The following JADE3 variants were observed in gnomAD, a reference collection of about 807,000 sequenced individuals.
The protein encoded by JADE3 is protein Jade-3.
In JADE3, 2 loss-of-function variants were observed where a neutral mutation model predicts 50.1. The ratio of observed to expected loss-of-function variants is 0.04; its 90% CI spans 0.02 to 0.13. The LOEUF (loss-of-function observed/expected upper bound fraction) is 0.13. Among genes scored for constraint, JADE3 ranks in the 10% least tolerant of loss-of-function variants. The probability of loss-of-function intolerance (pLI) is 1.00; values close to 1 mark genes in which losing one functional copy is unlikely to be tolerated. For missense variants in JADE3, 475 were observed against 634.4 expected, an observed-to-expected ratio of 0.75 and a Z score of 2.70; for synonymous variants, 218 against 232.9, an observed-to-expected ratio of 0.94 and a Z score of 0.58.
chrX:47,018,952 C>T (rs1556363692), intron 4 of JADE3, among the ~76,000 whole-genome samples: 2 of 112,141 alleles, frequency 1.8e-5, no homozygotes, highest in Non-Finnish European at 3.8e-5. Context: ...ATAACATAGA[C>T]TACACATGGC....
At chrX:46,912,324 G>T (rs1925969827), upstream of JADE3, 1 of 112,350 alleles carries the variant, frequency 8.9e-6, no homozygotes, top group Non-Finnish European at 1.9e-5. Context: ...GCGGGCAGAC[G>T]GCTGGGAGCC....
intron 4 of JADE3, among the ~76,000 whole-genome samples, chrX:46,999,485 A>ATATATAACATATATATACATATAT (rs1556358436): frequency 9.5e-6 from 1 of 105,180 alleles, no homozygotes; most frequent in African/African-American, 3.4e-5. Flanking sequence ...ATATATATAT[A>ATATATAACATATATATACATATAT]AAATAGGGTC....
At chrX:47,009,365 A>G (rs1928506875) in intron 4 of JADE3, among the ~76,000 whole-genome samples, 1 of 111,268 alleles carries the variant, frequency 9.0e-6, no homozygotes, top group South Asian at 3.8e-4. Flanking sequence ...ACATGAAGAC[A>G]CAATCATGGG....
intron 8 of JADE3, among the ~76,000 whole-genome samples, chrX:47,047,857 A>G (rs1054719176): frequency 1.8e-5 from 2 of 111,975 alleles, no homozygotes; most frequent in Non-Finnish European, 3.8e-5. Flanking sequence ...AAGAACAGTT[A>G]TACTCACAGT....
intron 4 of JADE3, among the ~76,000 whole-genome samples, chrX:47,009,549 A>T (rs1406083929): frequency 9.0e-6 from 1 of 111,044 alleles, no homozygotes; most frequent in Non-Finnish European, 1.9e-5. Flanking sequence ...CCAAAATATA[A>T]GTCAGAAAAA....
At chrX:47,053,352 G>C (rs1207952466) in intron 8 of JADE3, among the ~76,000 whole-genome samples, 2 of 109,966 alleles carry the variant, frequency 1.8e-5, no homozygotes, top group Non-Finnish European at 3.8e-5. Context: ...TGGACCTCCC[G>C]GGTTCAGGCA....
At position 46,948,992 on chromosome X, in the gene JADE3, G is replaced by A. The variant is rs372177275; in HGVS notation, c.-11-35892G>A. Among the ~76,000 whole-genome samples the A allele has an allele frequency of 4.7e-3, 523 of 111,054 alleles. 2 individuals are homozygous for A. The highest frequency in any genetic ancestry group is 0.016 in the African/African-American group (503 of 30,575). ...TTTGTCACCCAGACTGGAATGCAGT[G>A]GCACAATCATGGCCCACTGCAGCCT... is the stretch of plus-strand genomic sequence containing the variant. On this transcript the variant is annotated intron_variant, in intron 1 of 10. Transcript: ENST00000614628.
At chrX:47,028,266 G>A (rs1282912423) in intron 6 of JADE3, among the ~76,000 whole-genome samples, 163 bp downstream of exon 6, 2 of 110,724 alleles carry the variant, frequency 1.8e-5, no homozygotes, top group African/African-American at 6.6e-5. Flanking sequence ...TGCTTCTTAT[G>A]ACCCCCAAGA....
At chrX:47,038,309 C>T in intron 7 of JADE3, among the ~76,000 whole-genome samples, 1 of 111,066 alleles carries the variant, frequency 9.0e-6, no homozygotes, top group African/African-American at 3.3e-5. Context: ...TGGGTATATA[C>T]CCAACAGTGG....
intron 1 of JADE3, among the ~76,000 whole-genome samples, chrX:46,947,772 C>T (rs1239168319): frequency 3.6e-5 from 4 of 111,362 alleles, no homozygotes; most frequent in Non-Finnish European, 7.5e-5. Context: ...TGAGAGGTAC[C>T]GTGCCGTTTG....
At chrX:46,937,366 A>G (rs1442461294) in intron 1 of JADE3, among the ~76,000 whole-genome samples, 1 of 111,162 alleles carries the variant, frequency 9.0e-6, no homozygotes, top group African/African-American at 3.3e-5. Context: ...TTATTGAAAG[A>G]ACACGTATTC....
At chrX:46,932,973 A>C (rs1171554839) in intron 1 of JADE3, among the ~76,000 whole-genome samples, 1 of 112,214 alleles carries the variant, frequency 8.9e-6, no homozygotes, top group Non-Finnish European at 1.9e-5. Context: ...TAATGGCCAT[A>C]AAATAACTAT....
rs1928632110 is a variant in JADE3 at position 47,014,533 on chromosome X, T to C, written c.285-10191T>C. Among the ~76,000 whole-genome samples the C allele has an allele frequency of 4.5e-5, 5 of 112,189 alleles. No homozygotes were observed. In the Admixed American group the frequency reaches 4.7e-4, roughly 11 times the overall value. On this transcript the variant is annotated intron_variant, in intron 4 of 10. Coordinates refer to ENST00000614628, the MANE Select transcript of JADE3 (RefSeq NM_014735.5). ...CAGATTTCACCATAAATTTGATGTT[T>C]GTTCTTGCTTCAGTTTTAGCCAAAT...
At chrX:46,955,825 A>G (rs1282724195) in intron 1 of JADE3, among the ~76,000 whole-genome samples, 2 of 110,708 alleles carry the variant, frequency 1.8e-5, no homozygotes, top group Non-Finnish European at 3.8e-5. Context: ...ACCCCAAAGA[A>G]TACATATTTT....
intron 4 of JADE3, among the ~76,000 whole-genome samples, chrX:47,001,228 G>A (rs1479742084): frequency 9.0e-6 from 1 of 110,741 alleles, no homozygotes; most frequent in East Asian, 2.8e-4. Flanking sequence ...CAAATTTTAG[G>A]GTGCATCAGA....
intron 5 of JADE3, among the ~76,000 whole-genome samples, chrX:47,026,066 G>A (rs1928903950): frequency 9.0e-6 from 1 of 111,316 alleles, no homozygotes; most frequent in Non-Finnish European, 1.9e-5. Context: ...GGAGAGGGGA[G>A]TGGTAAATTT....
At chrX:46,953,796 A>G (rs1927058538) in intron 1 of JADE3, among the ~76,000 whole-genome samples, 1 of 111,709 alleles carries the variant, frequency 9.0e-6, no homozygotes, top group Non-Finnish European at 1.9e-5. Context: ...GTCTTTGTGT[A>G]GCATATCATT....
chrX:46,947,208 C>G (rs1926902815), intron 1 of JADE3, among the ~76,000 whole-genome samples: 1 of 111,090 alleles, frequency 9.0e-6, no homozygotes, highest in Non-Finnish European at 1.9e-5. Context: ...TTTGTAGAGA[C>G]AGGGTTTCAC....
rs1556374939 is a variant in JADE3 at position 47,060,400 on chromosome X, T to G, written c.*1323T>G. On this transcript the variant is annotated 3_prime_UTR_variant, in exon 11 of 11. Coordinates refer to ENST00000614628, the MANE Select transcript of JADE3 (RefSeq NM_014735.5). ...AGTTTTGGAAAGTGTAGTGGGAATA[T>G]TCAGACAAAAGAGGCCATTTTCCAT... is the stretch of plus-strand genomic sequence containing the variant. 1.8e-5 allele frequency: 2 copies of G among 111,899 alleles called. No individual in the cohort carries two copies. The highest frequency in any genetic ancestry group is 7.6e-4 in the South Asian group (2 of 2,647). 9.2% of individuals were successfully genotyped at this position (111,899 alleles called of 1,213,427 possible). A position where few individuals can be genotyped will look rare whatever the true frequency, so the allele number is the denominator to read the frequency against.
Sources: gnomAD v4.1 joint callset for allele counts (sites outside exome capture counted in the v4.1 genomes callset) on GRCh38, gnomAD v4.1.1 for gene constraint, MANE v1.5 for transcripts, NCBI Gene and HGNC (gene_info 2026-07-23, HGNC 2026-07-21) for gene names.